VAMP1: variants seen among roughly 807,000 people sequenced by gnomAD.
VAMP1 encodes vesicle-associated membrane protein 1.
In VAMP1, 16 loss-of-function variants were observed where a neutral mutation model predicts 19.1. The ratio of observed to expected loss-of-function variants is 0.84; its 90% CI spans 0.57 to 1.27. VAMP1 has a LOEUF of 1.27. Ranked by LOEUF, VAMP1 falls within the 50% of genes most tolerant of loss-of-function variation. VAMP1 has a pLI of 0.00. For missense variants in VAMP1, 109 were observed against 145.4 expected, an observed-to-expected ratio of 0.75 and a Z score of 1.29; for synonymous variants, 37 against 50.2, an observed-to-expected ratio of 0.74 and a Z score of 1.11.
rs867395092 is a variant in VAMP1, at chr12:6,464,617, C to T, written c.341-131G>A. The T allele has an allele frequency of 2.3e-5, 33 of 1,457,000 alleles. 1 individual carries two copies. The South Asian group carries it at 4.1e-4, about 18-fold the overall frequency. The allele number at this position is 1,457,000 out of a possible 1,614,324, so 90.3% of individuals were successfully genotyped here. A position where few individuals can be genotyped will look rare whatever the true frequency, so the allele number is the denominator to read the frequency against. On this transcript the variant is annotated intron_variant, in intron 4 of 4. Coordinates refer to ENST00000396308, the MANE Select transcript of VAMP1 (RefSeq NM_014231.5). Reference sequence around the variant, plus strand: ...TAAGTGCCCCATCCCCATGGTCTCCCTCCAACCCAAGCCAGTGACACACAG... The same window carrying T: ...TAAGTGCCCCATCCCCATGGTCTCCTTCCAACCCAAGCCAGTGACACACAG...
At position 6,470,517 on chromosome 12, in the gene VAMP1, A is replaced by G; in HGVS notation, c.2+13T>C. 1.9e-6 allele frequency: 3 copies of G among 1,614,016 alleles called. No individual in the cohort carries two copies. Among genetic ancestry groups the G allele is most frequent in the Non-Finnish European group, 2.5e-6 (3 of 1,179,910 alleles). On this transcript the variant is annotated intron_variant, in intron 1 of 4. Coordinates refer to ENST00000396308, the MANE Select transcript of VAMP1 (RefSeq NM_014231.5). ...CAAGGAGGTGCCGAGCCCCCACACC[A>G]GAGTCAACTCACATTTTTCTGACAG...
At position 6,464,163 on chromosome 12, in the gene VAMP1, C is replaced by T; in HGVS notation, c.*307G>A. ...GGTACTTCGCCTCAGCCACTCCCCT[C>T]CCTGCCCCTTCCCTTGGCCTCCAAC... is the stretch of plus-strand genomic sequence containing the variant. On this transcript the variant is annotated 3_prime_UTR_variant, in exon 5 of 5. Coordinates refer to ENST00000396308, the MANE Select transcript of VAMP1 (RefSeq NM_014231.5). 1.4e-6 allele frequency: 2 copies of T among 1,428,876 alleles called. No individual in the cohort carries two copies. The highest frequency in any genetic ancestry group is 9.3e-7 in the Non-Finnish European group (1 of 1,078,226). The allele number at this position is 1,428,876 out of a possible 1,614,324, so 88.5% of individuals were successfully genotyped here. A position where few individuals can be genotyped will look rare whatever the true frequency, so the allele number is the denominator to read the frequency against.
Position 6,470,552 on chromosome 12 carries a change from G to C in VAMP1, c.-21C>G. The C allele has an allele frequency of 6.2e-7, 1 of 1,613,974 alleles. No individual in the cohort carries two copies. Among genetic ancestry groups the C allele is most frequent in the Non-Finnish European group, 8.5e-7 (1 of 1,179,890 alleles). On this transcript the variant is annotated 5_prime_UTR_variant, in exon 1 of 5. Transcript: ENST00000396308. Reference sequence around the variant, plus strand: ...CACATTTTTCTGACAGAGAGAGTGAGGGTCTGTTCCTCTCCGGAGGCTGCG... The same window carrying C: ...CACATTTTTCTGACAGAGAGAGTGACGGTCTGTTCCTCTCCGGAGGCTGCG...
chr12:6,465,083 T>C (rs1000101316), intron 3 of VAMP1, 142 bp from the exon 4 acceptor site: 37 of 1,206,734 alleles, frequency 3.1e-5, no homozygotes, highest in Non-Finnish European at 3.9e-5. Context: ...GCAGGCCTCT[T>C]AGAGAGGCCC....
rs1026816145 is a variant in VAMP1 at position 6,464,333 on chromosome 12, A to G, written c.*137T>C. 3.7e-5 allele frequency: 57 copies of G among 1,550,008 alleles called. No individual in the cohort carries two copies. The highest frequency in any genetic ancestry group is 3.3e-4 in the Middle Eastern group (2 of 6,010). ...GACAGAGTGCAAATGAACGCAACGA[A>G]AAAGGAGGAATGGGTGATGGAGAAG... On this transcript the variant is annotated 3_prime_UTR_variant, in exon 5 of 5. Transcript: ENST00000396308.
In VAMP1 at chr12:6,464,010, A is replaced by G. The variant is rs1452431273; in HGVS notation, c.*460T>C. ...CCTGGTCCAGGAAGGAAAGCTCCAC[A>G]TGACCAGGCAGTACTGAGTGAGCTG... On this transcript the variant is annotated 3_prime_UTR_variant, in exon 5 of 5. Coordinates refer to ENST00000396308, the MANE Select transcript of VAMP1 (RefSeq NM_014231.5). 2.9e-5 allele frequency: 38 copies of G among 1,292,478 alleles called. No homozygotes were observed. Among genetic ancestry groups the G allele is most frequent in the Non-Finnish European group, 2.7e-5 (27 of 991,086 alleles). The allele number at this position is 1,292,478 out of a possible 1,614,324, so 80.1% of individuals were successfully genotyped here. A position where few individuals can be genotyped will look rare whatever the true frequency, so the allele number is the denominator to read the frequency against.
chr12:6,463,432 G>C lies in VAMP1; in HGVS notation c.*1038C>G. 9.5e-7 allele frequency: 1 copy of C among 1,049,224 alleles called. No homozygotes were observed. Among genetic ancestry groups the C allele is most frequent in the Non-Finnish European group, 1.2e-6 (1 of 867,652 alleles). 65.0% of individuals were successfully genotyped at this position (1,049,224 alleles called of 1,614,324 possible). On this transcript the variant is annotated 3_prime_UTR_variant, in exon 5 of 5. Coordinates refer to ENST00000396308, the MANE Select transcript of VAMP1 (RefSeq NM_014231.5). The surrounding 1 kb of genome is among the most constrained non-coding windows in gnomAD (Gnocchi z 4.0). ...CCTGTCTTTGGCAAGTGCACGGGTGGTGTGGAGGAAAGGATTCCATGGGTG... is the reference window on the plus strand; with the variant it reads ...CCTGTCTTTGGCAAGTGCACGGGTGCTGTGGAGGAAAGGATTCCATGGGTG...
At chr12:6,468,173 C>T (rs980275031) in intron 1 of VAMP1, among the ~76,000 whole-genome samples, 6 of 152,202 alleles carry the variant, frequency 3.9e-5, no homozygotes, top group Admixed American at 6.5e-5. Context: ...TAGCTTGCAC[C>T]GTGCGCCTGG....
chr12:6,470,386 G>T, intron 1 of VAMP1, 144 bp downstream of exon 1: 2 of 1,240,258 alleles, frequency 1.6e-6, no homozygotes, highest in Non-Finnish European at 2.3e-6. Flanking sequence ...CCCTGGGGGT[G>T]GCCCGGTCCG....
chr12:6,470,109 C>G (rs1945732382), intron 1 of VAMP1, among the ~76,000 whole-genome samples: 1 of 152,202 alleles, frequency 6.6e-6, no homozygotes, highest in African/African-American at 2.4e-5. Context: ...AAGTTACCAA[C>G]TGGCAGTTGC....
At chr12:6,470,481 G>A (rs1480167826) in intron 1 of VAMP1, 49 bp downstream of exon 1, 14 of 1,613,400 alleles carry the variant, frequency 8.7e-6, no homozygotes, top group Non-Finnish European at 1.0e-5. Flanking sequence ...GGAGCTTGGG[G>A]CGAGAGTTGT....
At position 6,470,571 on chromosome 12, in the gene VAMP1, G is replaced by C. The variant is rs780696802; in HGVS notation, c.-40C>G. On this transcript the variant is annotated 5_prime_UTR_variant, in exon 1 of 5. Transcript: ENST00000396308. Reference sequence around the variant, plus strand: ...GAGTGAGGGTCTGTTCCTCTCCGGAGGCTGCGGCGAGACACCCGGTGAGGG... The same window carrying C: ...GAGTGAGGGTCTGTTCCTCTCCGGACGCTGCGGCGAGACACCCGGTGAGGG... The C allele has an allele frequency of 3.4e-5, 55 of 1,613,724 alleles. No homozygotes were observed. The highest frequency in any genetic ancestry group is 4.7e-5 in the Non-Finnish European group (55 of 1,179,740).
chr12:6,462,693 C>T lies in VAMP1; in HGVS notation c.*1777G>A, dbSNP rs1949908787. Reference sequence around the variant, plus strand: ...GAGAGCCAAGAGGACGGATTCGCTCCAGGCTTGGGACACATCGAGGACAGT... The same window carrying T: ...GAGAGCCAAGAGGACGGATTCGCTCTAGGCTTGGGACACATCGAGGACAGT... On this transcript the variant is annotated 3_prime_UTR_variant, in exon 5 of 5. Transcript: ENST00000396308. 2.1e-6 allele frequency: 2 copies of T among 941,198 alleles called. No homozygotes were observed. Among genetic ancestry groups the T allele is most frequent in the African/African-American group, 1.7e-5 (1 of 59,944 alleles). 58.3% of individuals were successfully genotyped at this position (941,198 alleles called of 1,614,324 possible).
chr12:6,465,213 C>A, intron 3 of VAMP1: 1 of 490,434 alleles, frequency 2.0e-6, no homozygotes, highest in Non-Finnish European at 3.8e-6. Flanking sequence ...CTTTAGAAGG[C>A]ATTCCAATAG....
rs1010255163 is a variant in VAMP1 at position 6,462,419 on chromosome 12, T to G, written c.*2051A>C. 2.0e-6 allele frequency: 1 copy of G among 496,976 alleles called. No individual in the cohort carries two copies. The highest frequency in any genetic ancestry group is 3.6e-6 in the Non-Finnish European group (1 of 279,610). The allele number at this position is 496,976 out of a possible 1,614,324, so 30.8% of individuals were successfully genotyped here. A position where few individuals can be genotyped will look rare whatever the true frequency, so the allele number is the denominator to read the frequency against. ...ACAGTGGAAACCCCACATCGTCTCA[T>G]GGCAAACCGAAGAACGGGATGTGGG... On this transcript the variant is annotated 3_prime_UTR_variant, in exon 5 of 5. Transcript: ENST00000396308.
At position 6,464,173 on chromosome 12, in the gene VAMP1, T is replaced by TCC. The variant is rs749431146; in HGVS notation, c.*295_*296dup. The TCC allele has an allele frequency of 1.2e-4, 180 of 1,444,910 alleles. No homozygotes were observed. The highest frequency in any genetic ancestry group is 1.6e-4 in the Non-Finnish European group (172 of 1,088,390). The allele number at this position is 1,444,910 out of a possible 1,614,324, so 89.5% of individuals were successfully genotyped here. On this transcript the variant is annotated 3_prime_UTR_variant, in exon 5 of 5. Coordinates refer to ENST00000396308, the MANE Select transcript of VAMP1 (RefSeq NM_014231.5). ...CTCAGCCACTCCCCTCCCTGCCCCT[T>TCC]CCCTTGGCCTCCAACTCTTTGGGGC...
intron 1 of VAMP1, among the ~76,000 whole-genome samples, chr12:6,469,911 C>CCTTGGTATGAACAGCCG (rs1945728087): frequency 6.6e-6 from 1 of 152,180 alleles, no homozygotes; most frequent in Admixed American, 6.5e-5. Context: ...ATACGAATGG[C>CCTTGGTATGAACAGCCG]CTTGGTATGA....
chr12:6,468,852 T>A (rs1945697529), intron 1 of VAMP1, among the ~76,000 whole-genome samples: 2 of 152,042 alleles, frequency 1.3e-5, no homozygotes, highest in African/African-American at 4.8e-5. Context: ...TCTCTCAAAT[T>A]TGATGGAGAA....
At chr12:6,464,739 T>C in intron 4 of VAMP1, 151 bp downstream of exon 4, 1 of 1,516,884 alleles carries the variant, frequency 6.6e-7, no homozygotes, top group Non-Finnish European at 8.8e-7. Flanking sequence ...TCTCTGCCCT[T>C]CCCCCGTCCC....
Sources: allele counts gnomAD v4.1 joint callset (sites outside exome capture counted in the v4.1 genomes callset), GRCh38; gene constraint gnomAD v4.1.1; non-coding constraint Gnocchi (gnomAD v3.1); transcripts MANE v1.5; gene names NCBI Gene and HGNC (gene_info 2026-07-23, HGNC 2026-07-21).